The following NLK variants were observed in gnomAD, a reference collection of about 807,000 sequenced individuals.
NLK encodes the protein serine/threonine-protein kinase NLK.
A neutral mutation model predicts 59.0 loss-of-function variants in NLK; 11 were observed. The ratio of observed to expected loss-of-function variants is 0.19; its 90% CI spans 0.12 to 0.31. The LOEUF is 0.31. Among genes scored for constraint, NLK ranks in the 10% least tolerant of loss-of-function variants. NLK has a pLI of 1.00. For synonymous variants in NLK, 235 were observed against 235.9 expected (o/e 1.00, Z 0.03); for missense variants, 410 against 661.1 (o/e 0.62, Z 4.16).
chr17:28,144,549 A>G (rs1350742250), intron 3 of NLK, among the ~76,000 whole-genome samples: 1 of 152,202 alleles, frequency 6.6e-6, no homozygotes, highest in East Asian at 1.9e-4. Flanking sequence ...TAACAAAGCC[A>G]CACTTAATTT....
chr17:28,189,113 A>C (rs1909225118), intron 8 of NLK, among the ~76,000 whole-genome samples: 1 of 152,060 alleles, frequency 6.6e-6, no homozygotes, highest in Non-Finnish European at 1.5e-5. Flanking sequence ...TACAACACAC[A>C]GTTTGTTCAG....
At chr17:28,088,303 AC>A (rs1292506346) in intron 1 of NLK, among the ~76,000 whole-genome samples, 1 of 152,202 alleles carries the variant, frequency 6.6e-6, no homozygotes, top group African/African-American at 2.4e-5. Flanking sequence ...CATATTATAG[AC>A]ATTGATGATT....
intron 1 of NLK, among the ~76,000 whole-genome samples, chr17:28,120,470 A>G (rs1181580520): frequency 2.0e-5 from 3 of 152,132 alleles, no homozygotes; most frequent in Non-Finnish European, 2.9e-5. Context: ...CTTGAGTTAC[A>G]TATGAAGCTA....
chr17:28,138,645 G>A (rs1425745239), intron 3 of NLK, among the ~76,000 whole-genome samples: 4 of 152,172 alleles, frequency 2.6e-5, no homozygotes, highest in Non-Finnish European at 4.4e-5. Context: ...GCTTATGTAA[G>A]TGTACTCTTT....
chr17:28,130,712 T>C (rs1906481565), intron 2 of NLK, among the ~76,000 whole-genome samples: 1 of 152,160 alleles, frequency 6.6e-6, no homozygotes, highest in Admixed American at 6.5e-5. Context: ...AGACAGGATG[T>C]GTGTTGCTCA....
At chr17:28,140,224 T>A (rs1906929853) in intron 3 of NLK, among the ~76,000 whole-genome samples, 1 of 152,166 alleles carries the variant, frequency 6.6e-6, no homozygotes, top group African/African-American at 2.4e-5. Flanking sequence ...AATTGGTCTT[T>A]ATTCAGTTGA....
chr17:28,165,606 A>G (rs1158372882), intron 5 of NLK, among the ~76,000 whole-genome samples: 2 of 152,176 alleles, frequency 1.3e-5, no homozygotes, highest in African/African-American at 4.8e-5. Context: ...ATCCTTCCAT[A>G]TCGTGAATGT....
chr17:28,151,479 T>C (rs992393802), intron 3 of NLK, among the ~76,000 whole-genome samples: 2 of 152,218 alleles, frequency 1.3e-5, no homozygotes, highest in African/African-American at 4.8e-5. Context: ...TTTACTTTGC[T>C]AAACTAAAGG....
In NLK at chr17:28,194,781, A is replaced by G. The variant is rs755874373; in HGVS notation, c.*145A>G. 1 of 445,452 alleles carries G rather than the reference A, an allele frequency of 2.2e-6. No individual in the cohort carries two copies. The highest frequency in any genetic ancestry group is 4.0e-6 in the Non-Finnish European group (1 of 248,006). 27.6% of individuals were successfully genotyped at this position (445,452 alleles called of 1,614,324 possible). On this transcript the variant is annotated 3_prime_UTR_variant, in exon 11 of 11. Coordinates refer to ENST00000407008, the MANE Select transcript of NLK (RefSeq NM_016231.5). ...CAACCACTACTTGTATGATATGAAT[A>G]ATATTTAGAAATGTTACTAGACTTT...
At chr17:28,146,181 C>G (rs1000484433) in intron 3 of NLK, among the ~76,000 whole-genome samples, 5 of 152,088 alleles carry the variant, frequency 3.3e-5, no homozygotes, top group Non-Finnish European at 5.9e-5. Flanking sequence ...CCTCCACTTA[C>G]TAGCTTTTTG....
chr17:28,141,876 A>G (rs1821642665), intron 3 of NLK, among the ~76,000 whole-genome samples: 1 of 152,190 alleles, frequency 6.6e-6, no homozygotes, highest in African/African-American at 2.4e-5. Context: ...ATACTCCAAA[A>G]AACAGTGACT....
At chr17:28,169,532 C>T (rs749546640) in intron 6 of NLK, among the ~76,000 whole-genome samples, 1 of 152,110 alleles carries the variant, frequency 6.6e-6, no homozygotes, top group African/African-American at 2.4e-5. Context: ...GCTAATTATT[C>T]ACTAATACAC....
chr17:28,084,036 G>T (rs992584523), intron 1 of NLK, among the ~76,000 whole-genome samples: 1 of 152,168 alleles, frequency 6.6e-6, no homozygotes, highest in Non-Finnish European at 1.5e-5. Flanking sequence ...CTGTGTGGAA[G>T]ACCCATTAGC....
At chr17:28,056,004 G>A (rs1195999763) in intron 1 of NLK, among the ~76,000 whole-genome samples, 3 of 152,038 alleles carry the variant, frequency 2.0e-5, no homozygotes, top group Admixed American at 6.5e-5. Flanking sequence ...GTTTATTGTA[G>A]GACCCTTGAA....
rs185575445 is a variant in NLK at position 28,114,893 on chromosome 17, G to A, written c.459-7710G>A. Among the ~76,000 whole-genome samples, 173 of 152,284 alleles carry A rather than the reference G, an allele frequency of 1.1e-3. 1 individual carries two copies. Among genetic ancestry groups the A allele is most frequent in the Non-Finnish European group, 1.8e-3 (123 of 68,028 alleles). Reference sequence around the variant, plus strand: ...TTAATATGGAAAAAATGTTAATTAGGTATAAAGTTGTCAAGTAGATAACTA... The same window carrying A: ...TTAATATGGAAAAAATGTTAATTAGATATAAAGTTGTCAAGTAGATAACTA... On this transcript the variant is annotated intron_variant, in intron 1 of 10. Transcript: ENST00000407008.
At chr17:28,107,077 G>A (rs927413107) in intron 1 of NLK, among the ~76,000 whole-genome samples, 2 of 152,180 alleles carry the variant, frequency 1.3e-5, no homozygotes, top group Non-Finnish European at 2.9e-5. Context: ...GCAATAGGAA[G>A]CACAAGAAAA....
At chr17:28,073,360 C>G (rs372351458) in intron 1 of NLK, among the ~76,000 whole-genome samples, 3 of 152,288 alleles carry the variant, frequency 2.0e-5, no homozygotes, top group African/African-American at 7.2e-5. Flanking sequence ...CTCCTGTCAT[C>G]TCAGCAAGTA....
intron 7 of NLK, among the ~76,000 whole-genome samples, chr17:28,180,991 C>T (rs1408229670): frequency 2.6e-5 from 4 of 152,176 alleles, no homozygotes; most frequent in African/African-American, 9.7e-5. Flanking sequence ...TGGTGGCTTA[C>T]ACTTGTAATC....
At chr17:28,189,250 T>C (rs1354531138) in intron 8 of NLK, among the ~76,000 whole-genome samples, 1 of 152,174 alleles carries the variant, frequency 6.6e-6, no homozygotes, top group Non-Finnish European at 1.5e-5. Flanking sequence ...GCAGGCCAGA[T>C]GCACCAATGA....
Sources: gnomAD v4.1 joint callset for allele counts (sites outside exome capture counted in the v4.1 genomes callset) on GRCh38, gnomAD v4.1.1 for gene constraint, MANE v1.5 for transcripts, NCBI Gene and HGNC (gene_info 2026-07-23, HGNC 2026-07-21) for gene names.